SPMIP11: variants seen among roughly 807,000 people sequenced by gnomAD.
SPMIP11 encodes sperm microtubule inner protein 11.
the SPMIP11 span, among the ~76,000 whole-genome samples, chr12:48,756,606 G>C: frequency 1.3e-5 from 2 of 152,150 alleles, no homozygotes; most frequent in Non-Finnish European, 2.9e-5. Context: ...CCAGAGATTA[G>C]TCAGCAATCC....
the SPMIP11 span, among the ~76,000 whole-genome samples, chr12:48,738,924 C>T: frequency 6.8e-6 from 1 of 146,716 alleles, no homozygotes; most frequent in Non-Finnish European, 1.5e-5. Flanking sequence ...CATATCAGAA[C>T]TTTTTTTTTT....
chr12:48,763,056 C>T, the SPMIP11 span, among the ~76,000 whole-genome samples: 17 of 151,822 alleles, frequency 1.1e-4, no homozygotes, highest in Non-Finnish European at 2.2e-4. Context: ...TGTATGTGAA[C>T]CTATAATTAT....
the SPMIP11 span, among the ~76,000 whole-genome samples, chr12:48,762,047 CTTTTTTTTTT>C: frequency 1.3e-5 from 1 of 78,178 alleles, no homozygotes; most frequent in Non-Finnish European, 2.2e-5. Context: ...TTATAACATT[CTTTTTTTTTT>C]TTTTTTTTTT....
the SPMIP11 span, chr12:48,768,932 C>T: frequency 6.2e-7 from 1 of 1,606,122 alleles, no homozygotes; most frequent in South Asian, 1.1e-5. Flanking sequence ...TCATATCCCC[C>T]TCACCTGGAT....
the SPMIP11 span, among the ~76,000 whole-genome samples, chr12:48,743,268 C>A: frequency 6.6e-6 from 1 of 151,044 alleles, no homozygotes; most frequent in Admixed American, 6.6e-5. Context: ...GTGGCAGGCA[C>A]CTGTAGTTCT....
chr12:48,733,139 A>G, the SPMIP11 span, among the ~76,000 whole-genome samples: 1 of 144,288 alleles, frequency 6.9e-6, no homozygotes, highest in South Asian at 2.2e-4. Flanking sequence ...CAGTGGTGCA[A>G]TCTGGGCTCA....
the SPMIP11 span, among the ~76,000 whole-genome samples, chr12:48,749,505 GT>G: frequency 6.6e-6 from 1 of 151,196 alleles, no homozygotes; most frequent in Non-Finnish European, 1.5e-5. Context: ...GCGTATGCCT[GT>G]AATCCCAGCT....
chr12:48,731,605 G>A, the SPMIP11 span, among the ~76,000 whole-genome samples: 20 of 152,226 alleles, frequency 1.3e-4, no homozygotes, highest in Non-Finnish European at 2.6e-4. Context: ...CTTAACTACT[G>A]TATAGAGTCA....
the SPMIP11 span, among the ~76,000 whole-genome samples, chr12:48,756,771 CTTTT>C: frequency 3.2e-4 from 35 of 108,684 alleles, no homozygotes; most frequent in Non-Finnish European, 4.5e-4. Flanking sequence ...ATTTTTTTTT[CTTTT>C]TTTCTTTTTT....
the SPMIP11 span, among the ~76,000 whole-genome samples, chr12:48,749,286 A>G: frequency 6.7e-6 from 1 of 149,404 alleles, no homozygotes; most frequent in Non-Finnish European, 1.5e-5. Flanking sequence ...ATCTTCTTCC[A>G]TCTTAAAACC....
the SPMIP11 span, among the ~76,000 whole-genome samples, chr12:48,739,221 CA>C: frequency 1.5e-3 from 224 of 151,688 alleles, 1 homozygote; most frequent in African/African-American, 5.2e-3. Flanking sequence ...GGGTAAGAAA[CA>C]AAAAAAAGCT....
At chr12:48,731,976 G>A in the SPMIP11 span, among the ~76,000 whole-genome samples, 2 of 151,494 alleles carry the variant, frequency 1.3e-5, no homozygotes, top group South Asian at 2.1e-4. Flanking sequence ...TGGCAAAACC[G>A]CGTCTCTACT....
At chr12:48,740,246 T>C in the SPMIP11 span, among the ~76,000 whole-genome samples, 1 of 152,212 alleles carries the variant, frequency 6.6e-6, no homozygotes, top group Non-Finnish European at 1.5e-5. Context: ...TTTACCCAAG[T>C]TAACTCATTG....
chr12:48,731,928 C>G, the SPMIP11 span, among the ~76,000 whole-genome samples: 4 of 152,214 alleles, frequency 2.6e-5, no homozygotes, highest in East Asian at 7.7e-4. Context: ...GCGGGCAGAT[C>G]ACTAGAGGCC....
chr12:48,761,718 TC>T, the SPMIP11 span, among the ~76,000 whole-genome samples: 1 of 145,758 alleles, frequency 6.9e-6, no homozygotes, highest in South Asian at 2.2e-4. Flanking sequence ...TATATAACAT[TC>T]TTTTTTTTTT....
chr12:48,748,765 T>A, the SPMIP11 span, among the ~76,000 whole-genome samples: 1 of 152,164 alleles, frequency 6.6e-6, no homozygotes, highest in Admixed American at 6.6e-5. Flanking sequence ...AATTGGTAGA[T>A]AATTTCCATA....
the SPMIP11 span, chr12:48,768,494 G>A: frequency 6.4e-7 from 1 of 1,565,728 alleles, no homozygotes; most frequent in Non-Finnish European, 8.8e-7. Flanking sequence ...GCAGGGTCTG[G>A]AGGCTCAGTG....
chr12:48,765,044 C>T, the SPMIP11 span: 1 of 675,740 alleles, frequency 1.5e-6, no homozygotes, highest in Admixed American at 2.2e-5. Flanking sequence ...AGTACTCCTT[C>T]CCTTCACTTT....
At chr12:48,765,478 C>G in the SPMIP11 span, 6 of 633,580 alleles carry the variant, frequency 9.5e-6, no homozygotes, top group African/African-American at 1.1e-4. Context: ...ATCCACCCGC[C>G]AGGGCCTCCC....
Sources: gnomAD v4.1 joint callset for allele counts (sites outside exome capture counted in the v4.1 genomes callset) on GRCh38, gnomAD v4.1.1 for gene constraint, MANE v1.5 for transcripts, NCBI Gene and HGNC (gene_info 2026-07-23, HGNC 2026-07-21) for gene names.